The following CAB39L variants were observed in gnomAD, a reference collection of about 807,000 sequenced individuals.
The protein encoded by CAB39L is calcium binding protein 39 like.
Under a neutral mutation model 39.1 loss-of-function variants are expected in CAB39L, and 23 were observed. The ratio of observed to expected loss-of-function variants is 0.59; its 90% CI spans 0.42 to 0.83. The LOEUF (loss-of-function observed/expected upper bound fraction) is 0.83, where lower values mean the gene tolerates loss of function less well. Ranked by LOEUF, CAB39L falls within the 40% of genes least tolerant of loss-of-function variation. The pLI, the probability that CAB39L is intolerant of heterozygous loss-of-function variation, is 0.00. For missense variants in CAB39L, 366 were observed against 391.9 expected (o/e 0.93, Z 0.56); for synonymous variants, 126 against 137.2 (o/e 0.92, Z 0.57).
chr13:49,426,865 T>A (rs1228916940), intron 3 of CAB39L, among the ~76,000 whole-genome samples: 1 of 152,222 alleles, frequency 6.6e-6, no homozygotes, highest in African/African-American at 2.4e-5. Context: ...CATCTGTTTT[T>A]TGCTGCAGGA....
At chr13:49,327,448 C>T (rs1176910423) in intron 10 of CAB39L, among the ~76,000 whole-genome samples, 5 of 151,746 alleles carry the variant, frequency 3.3e-5, no homozygotes, top group East Asian at 1.9e-4. Flanking sequence ...GGACTACAGG[C>T]ATGCACCACC....
chr13:49,336,122 T>C (rs537958297), intron 9 of CAB39L, among the ~76,000 whole-genome samples: 2 of 144,468 alleles, frequency 1.4e-5, no homozygotes, highest in African/African-American at 5.3e-5. Flanking sequence ...AGAATGTTTT[T>C]CTAGCAAAAA....
intron 10 of CAB39L, among the ~76,000 whole-genome samples, chr13:49,331,273 G>A (rs992937332): frequency 4.6e-5 from 7 of 151,994 alleles, no homozygotes; most frequent in Non-Finnish European, 8.8e-5. Context: ...AGACCACCCT[G>A]GCTAACACGG....
chr13:49,340,445 A>C (rs1954975888), intron 8 of CAB39L, among the ~76,000 whole-genome samples: 1 of 152,184 alleles, frequency 6.6e-6, no homozygotes, highest in African/African-American at 2.4e-5. Flanking sequence ...GAAGAGGGTG[A>C]CAAACTCCTA....
intron 3 of CAB39L, among the ~76,000 whole-genome samples, chr13:49,404,315 G>T (rs1432702418): frequency 1.3e-5 from 2 of 152,090 alleles, no homozygotes; most frequent in African/African-American, 4.8e-5. Context: ...AACATTACTG[G>T]GCTTTGAATA....
At chr13:49,367,922 C>A (rs1288425159) in intron 5 of CAB39L, among the ~76,000 whole-genome samples, 9 of 126,254 alleles carry the variant, frequency 7.1e-5, no homozygotes, top group Non-Finnish European at 1.0e-4. Context: ...CAGCGTGAGA[C>A]CCTGTCTCAA....
chr13:49,408,716 A>C (rs1956932375), intron 3 of CAB39L, among the ~76,000 whole-genome samples: 1 of 152,092 alleles, frequency 6.6e-6, no homozygotes, highest in Admixed American at 6.5e-5. Context: ...TTGTGGTCCC[A>C]GCTACTCGAG....
chr13:49,351,093 A>T (rs974293670), intron 6 of CAB39L, 181 bp from the exon 7 acceptor site: 3 of 406,674 alleles, frequency 7.4e-6, no homozygotes, highest in Non-Finnish European at 1.3e-5. Flanking sequence ...CGTATTCTGG[A>T]ATTTGAGTGT....
intron 3 of CAB39L, among the ~76,000 whole-genome samples, chr13:49,383,811 T>C (rs1566106954): frequency 2.0e-5 from 3 of 152,156 alleles, no homozygotes. Flanking sequence ...ACTTAAAGTA[T>C]AATAAAACAA....
chr13:49,361,805 G>T (rs1160069314), intron 5 of CAB39L, among the ~76,000 whole-genome samples: 1 of 151,886 alleles, frequency 6.6e-6, no homozygotes, highest in Non-Finnish European at 1.5e-5. Context: ...TCTCCCCTGG[G>T]ATGAGTGCCC....
At chr13:49,367,117 G>A (rs999269111) in intron 5 of CAB39L, among the ~76,000 whole-genome samples, 1 of 152,114 alleles carries the variant, frequency 6.6e-6, no homozygotes, top group African/African-American at 2.4e-5. Flanking sequence ...ACTTGAGCCA[G>A]GAGTTTGAGA....
At position 49,426,125 on chromosome 13, in the gene CAB39L, T is replaced by C. The variant is rs188984169; in HGVS notation, c.-32+7193A>G. On this transcript the variant is annotated intron_variant, in intron 3 of 10. Transcript: ENST00000409308. ...GCACAAATCTTTTTCAGATAAGCCC[T>C]CCTCTACCTTGAGATTCTGCTGAAA... Among the ~76,000 whole-genome samples, 16 of 152,310 alleles carry C rather than the reference T, an allele frequency of 1.1e-4. No homozygotes were observed. The East Asian group carries it at 2.9e-3, about 28-fold the overall frequency.
intron 7 of CAB39L, 43 bp from the exon 8 acceptor site, chr13:49,344,281 T>A: frequency 9.1e-7 from 1 of 1,099,568 alleles, no homozygotes; most frequent in East Asian, 2.4e-5. Context: ...GTTATAGCTA[T>A]TAATATTACA....
At chr13:49,347,782 G>A (rs892842776) in intron 7 of CAB39L, among the ~76,000 whole-genome samples, 2 of 151,900 alleles carry the variant, frequency 1.3e-5, no homozygotes, top group African/African-American at 4.8e-5. Context: ...TCCAACACTC[G>A]GAGCCCGGAG....
chr13:49,358,581 C>G (rs566249483), intron 6 of CAB39L, among the ~76,000 whole-genome samples: 6 of 152,260 alleles, frequency 3.9e-5, no homozygotes, highest in African/African-American at 1.4e-4. Context: ...GGCAAAGAGG[C>G]CAGGCGCAGT....
At chr13:49,349,777 T>C (rs1438732661) in intron 7 of CAB39L, among the ~76,000 whole-genome samples, 1 of 152,152 alleles carries the variant, frequency 6.6e-6, no homozygotes, top group Non-Finnish European at 1.5e-5. Flanking sequence ...CCTTGAATGA[T>C]AAAAGTTTGC....
chr13:49,386,234 G>C (rs542668056), intron 3 of CAB39L, among the ~76,000 whole-genome samples: 8 of 152,280 alleles, frequency 5.3e-5, no homozygotes, highest in African/African-American at 1.9e-4. Flanking sequence ...ACTGTAACAA[G>C]CTAATGCTAA....
intron 7 of CAB39L, 52 bp downstream of exon 7, chr13:49,350,692 A>G: frequency 1.5e-6 from 2 of 1,352,116 alleles, no homozygotes; most frequent in East Asian, 4.9e-5. Flanking sequence ...TTGCCTCTTC[A>G]GGGGCCAAGT....
intron 1 of CAB39L, among the ~76,000 whole-genome samples, chr13:49,441,963 G>A (rs1006162822): frequency 1.1e-4 from 16 of 152,142 alleles, no homozygotes; most frequent in Non-Finnish European, 1.6e-4. Flanking sequence ...TGTCTTCTAG[G>A]TGGCTGTACT....
Sources: gnomAD v4.1 joint callset for allele counts (sites outside exome capture counted in the v4.1 genomes callset) on GRCh38, gnomAD v4.1.1 for gene constraint, MANE v1.5 for transcripts, NCBI Gene and HGNC (gene_info 2026-07-23, HGNC 2026-07-21) for gene names.